Variants in LRBA observed in about 807,000 individuals in gnomAD.
The protein encoded by LRBA is LPS responsive beige-like anchor protein, also known as lipopolysaccharide-responsive and beige-like anchor protein.
In LRBA, 176 loss-of-function variants were observed where a neutral mutation model predicts 330.0. The observed-to-expected ratio is 0.53, with a 90% CI of 0.47 to 0.60. The LOEUF (loss-of-function observed/expected upper bound fraction) is 0.60. Ranked by LOEUF, LRBA falls within the 20% of genes least tolerant of loss-of-function variation. The pLI is 0.00. For synonymous variants in LRBA, 1,230 were observed against 1,193.0 expected (o/e 1.03, Z -0.64); for missense variants, 3,259 against 3,444.8 (o/e 0.95, Z 1.35).
chr4:150,423,566 C>A, intron 46 of LRBA: 1 of 371,922 alleles, frequency 2.7e-6, no homozygotes. Flanking sequence ...ACTGTTGCTC[C>A]CTGTCTTTAC....
chr4:150,583,842 C>G lies in LRBA; in HGVS notation c.6330+4206G>C, dbSNP rs1432495716. 7.4e-6 allele frequency: 12 copies of G among 1,614,130 alleles called. No individual in the cohort carries two copies. In the East Asian group the frequency reaches 1.8e-4, roughly 24 times the overall value. On this transcript the variant is annotated intron_variant, in intron 40 of 56. Coordinates refer to ENST00000651943, the MANE Select transcript of LRBA (RefSeq NM_001364905.1). The surrounding 1 kb of genome is among the most constrained non-coding windows in gnomAD (Gnocchi z 9.8). ...AGCTACCCGGCCAGCCGCTCAACAA[C>G]TACCACATGAAGACGCTGCTGCTGT...
chr4:150,812,971 A>T (rs972059413), intron 31 of LRBA, among the ~76,000 whole-genome samples: 5 of 152,078 alleles, frequency 3.3e-5, no homozygotes, highest in Non-Finnish European at 7.4e-5. Flanking sequence ...TTGTCTGGGC[A>T]ATAGAACAAG....
intron 36 of LRBA, among the ~76,000 whole-genome samples, chr4:150,731,253 T>C (rs758896977): frequency 1.3e-5 from 2 of 152,052 alleles, no homozygotes; most frequent in East Asian, 1.9e-4. Flanking sequence ...AAAACTAAAA[T>C]AGAGCTACCG....
At chr4:150,484,436 A>G (rs1293103756) in intron 42 of LRBA, among the ~76,000 whole-genome samples, 1 of 151,950 alleles carries the variant, frequency 6.6e-6, no homozygotes, top group Non-Finnish European at 1.5e-5. Flanking sequence ...CTAATTTAGT[A>G]GCATAAATTT....
At chr4:150,309,018 C>T (rs1249073475) in intron 52 of LRBA, among the ~76,000 whole-genome samples, 1 of 152,140 alleles carries the variant, frequency 6.6e-6, no homozygotes, top group Non-Finnish European at 1.5e-5. Context: ...ACTCACTGCT[C>T]ACTCACTGAC....
chr4:150,685,607 T>C (rs747345396), intron 36 of LRBA, among the ~76,000 whole-genome samples: 50 of 149,966 alleles, frequency 3.3e-4, no homozygotes, highest in Admixed American at 4.0e-4. Context: ...CTAATTTTTT[T>C]GTATTTTAGT....
intron 40 of LRBA, chr4:150,581,231 C>A (rs1771288956): frequency 2.9e-6 from 1 of 341,490 alleles, no homozygotes; most frequent in Non-Finnish European, 5.8e-6. Context: ...AAATAATTAT[C>A]AAACAAGGTG....
At chr4:150,489,630 A>C in intron 41 of LRBA, among the ~76,000 whole-genome samples, 1 of 118,496 alleles carries the variant, frequency 8.4e-6, no homozygotes, top group Non-Finnish European at 1.7e-5. Context: ...AGAATATATA[A>C]TATATAAGAA....
intron 51 of LRBA, among the ~76,000 whole-genome samples, chr4:150,313,311 T>C (rs892391906): frequency 6.6e-6 from 1 of 152,198 alleles, no homozygotes; most frequent in Non-Finnish European, 1.5e-5. Context: ...TTCTACTGGA[T>C]ATATTAAAAT....
chr4:150,550,268 G>T (rs923495794), intron 40 of LRBA, among the ~76,000 whole-genome samples: 1 of 152,004 alleles, frequency 6.6e-6, no homozygotes, highest in African/African-American at 2.4e-5. Flanking sequence ...AAGATAACAT[G>T]AACATGCATG....
At chr4:150,274,809 A>G (rs1297143958) in intron 56 of LRBA, among the ~76,000 whole-genome samples, 1 of 152,138 alleles carries the variant, frequency 6.6e-6, no homozygotes, top group African/African-American at 2.4e-5. Flanking sequence ...CCAACCAAAA[A>G]AAGTCCAGGA....
At chr4:150,568,995 A>C (rs1455258763) in intron 40 of LRBA, among the ~76,000 whole-genome samples, 1 of 152,166 alleles carries the variant, frequency 6.6e-6, no homozygotes, top group Non-Finnish European at 1.5e-5. Flanking sequence ...CAAGAGACCC[A>C]ACCTTCCCAT....
chr4:150,391,986 A>C (rs1303563639), intron 47 of LRBA, among the ~76,000 whole-genome samples: 1 of 151,650 alleles, frequency 6.6e-6, no homozygotes, highest in African/African-American at 2.4e-5. Context: ...AAAAAAAAAA[A>C]AAAAAAAAAA....
At chr4:150,931,961 C>A (rs938299663) in intron 2 of LRBA, among the ~76,000 whole-genome samples, 1 of 152,062 alleles carries the variant, frequency 6.6e-6, no homozygotes, top group Admixed American at 6.6e-5. Flanking sequence ...GTAATCCCAG[C>A]ACTTCTGGGA....
At chr4:150,382,281 T>C (rs373583134) in intron 47 of LRBA, among the ~76,000 whole-genome samples, 4 of 152,114 alleles carry the variant, frequency 2.6e-5, no homozygotes, top group African/African-American at 7.2e-5. Context: ...AGCCTTGCAG[T>C]CTTGTTTTGT....
At chr4:150,812,428 C>T (rs926231744) in intron 31 of LRBA, among the ~76,000 whole-genome samples, 1 of 152,074 alleles carries the variant, frequency 6.6e-6, no homozygotes. Context: ...AAGGTCCCTG[C>T]GGGTCTAAAT....
In LRBA at chr4:150,729,868, A is replaced by T. The variant is rs562984461; in HGVS notation, c.5754+5390T>A. Among the ~76,000 whole-genome samples the T allele has an allele frequency of 3.3e-5, 5 of 152,334 alleles. No homozygotes were observed. In the South Asian group the frequency reaches 1.0e-3, roughly 32 times the overall value. ...AGCTACAGGAAATGAATTTTCAACA[A>T]AGGTGCCAAGAACAAACATTGGAGA... is the stretch of plus-strand genomic sequence containing the variant. On this transcript the variant is annotated intron_variant, in intron 36 of 56. Transcript: ENST00000651943.
chr4:150,578,716 T>C (rs1389583894), intron 40 of LRBA, among the ~76,000 whole-genome samples: 1 of 152,262 alleles, frequency 6.6e-6, no homozygotes, highest in African/African-American at 2.4e-5. Context: ...ACTTCAGTAC[T>C]ATCACCTACA....
At chr4:150,738,431 C>G (rs1473093729) in intron 35 of LRBA, among the ~76,000 whole-genome samples, 1 of 152,062 alleles carries the variant, frequency 6.6e-6, no homozygotes, top group Non-Finnish European at 1.5e-5. Flanking sequence ...AAAATAAGAA[C>G]ATTCCATGAC....
Sources: gnomAD v4.1 joint callset for allele counts (sites outside exome capture counted in the v4.1 genomes callset) on GRCh38, gnomAD v4.1.1 for gene constraint, Gnocchi (gnomAD v3.1) non-coding constraint, MANE v1.5 for transcripts, NCBI Gene and HGNC (gene_info 2026-07-23, HGNC 2026-07-21) for gene names.